The following RBFOX3 variants were observed in gnomAD, a reference collection of about 807,000 sequenced individuals.
RBFOX3 encodes RNA binding fox-1 homolog 3, also known as RNA binding protein fox-1 homolog 3.
In RBFOX3, 17 loss-of-function variants were observed where a neutral mutation model predicts 48.7. That is an observed-to-expected ratio of 0.35 (90% confidence interval 0.24 to 0.52). The LOEUF (loss-of-function observed/expected upper bound fraction) is 0.52, where lower values mean the gene tolerates loss of function less well. RBFOX3 is among the 20% of genes least tolerant of loss of function. The probability of loss-of-function intolerance (pLI) is 0.94; values close to 1 mark genes in which losing one functional copy is unlikely to be tolerated. For synonymous variants in RBFOX3, 212 were observed against 209.5 expected, an observed-to-expected ratio of 1.01 and a Z score of -0.10; for missense variants, 382 against 497.5, an observed-to-expected ratio of 0.77 and a Z score of 2.21.
At chr17:79,114,725 G>A (rs929567918) in intron 5 of RBFOX3, among the ~76,000 whole-genome samples, 5 of 152,200 alleles carry the variant, frequency 3.3e-5, no homozygotes, top group African/African-American at 1.2e-4. Context: ...AGCGGGGACA[G>A]TTGGATGAAC....
chr17:79,406,807 G>C (rs2063593279), intron 2 of RBFOX3, among the ~76,000 whole-genome samples: 1 of 152,170 alleles, frequency 6.6e-6, no homozygotes, highest in Admixed American at 6.5e-5. Context: ...TCCCTACAAT[G>C]CTGGATGCTT....
intron 2 of RBFOX3, among the ~76,000 whole-genome samples, chr17:79,434,696 C>A (rs1555730149): frequency 6.6e-6 from 1 of 152,168 alleles, no homozygotes; most frequent in Non-Finnish European, 1.5e-5. Context: ...CAAGCAGGCC[C>A]AGACAATTGT....
intron 3 of RBFOX3, among the ~76,000 whole-genome samples, chr17:79,240,909 C>T (rs1460204519): frequency 6.6e-6 from 1 of 152,078 alleles, no homozygotes; most frequent in Non-Finnish European, 1.5e-5. Flanking sequence ...CGTGATCCAC[C>T]CACCTCGGCC....
chr17:79,403,791 T>TTC (rs1374008826), intron 2 of RBFOX3, among the ~76,000 whole-genome samples: 1 of 147,736 alleles, frequency 6.8e-6, no homozygotes, highest in African/African-American at 2.5e-5. Context: ...TCTTTTTTTT[T>TTC]TTTTTTTTTT....
At chr17:79,571,349 C>T (rs2092670956) in intron 1 of RBFOX3, among the ~76,000 whole-genome samples, 1 of 152,188 alleles carries the variant, frequency 6.6e-6, no homozygotes, top group South Asian at 2.1e-4. Flanking sequence ...CCTGACCTGG[C>T]CTCTGTCAAG....
intron 2 of RBFOX3, among the ~76,000 whole-genome samples, chr17:79,410,699 A>C (rs945750779): frequency 2.6e-5 from 4 of 152,170 alleles, no homozygotes; most frequent in Non-Finnish European, 5.9e-5. Flanking sequence ...GTGTTGCTTA[A>C]GCCCCTGAGC....
In RBFOX3 at chr17:79,481,968, A is replaced by G. The variant is rs1341349077; in HGVS notation, c.-175+486T>C. 6.6e-6 allele frequency among the ~76,000 whole-genome samples: 1 copy of G among 152,098 alleles called. No individual in the cohort carries two copies. The highest frequency in any genetic ancestry group is 1.5e-5 in the Non-Finnish European group (1 of 68,014). Reference sequence around the variant, plus strand: ...CGCTGACTCCGGCGGTTAGTGTCAGAGCTGAACGGCAGTCACCCTCTCGGG... The same window carrying G: ...CGCTGACTCCGGCGGTTAGTGTCAGGGCTGAACGGCAGTCACCCTCTCGGG... On this transcript the variant is annotated intron_variant, in intron 2 of 14. Coordinates refer to ENST00000693108, the MANE Select transcript of RBFOX3 (RefSeq NM_001350451.2). This position sits in a 1 kb window ranked among gnomAD's most constrained non-coding sequence, Gnocchi z 5.4.
chr17:79,217,378 G>T (rs564276522), intron 4 of RBFOX3, among the ~76,000 whole-genome samples: 64 of 152,326 alleles, frequency 4.2e-4, no homozygotes, highest in African/African-American at 1.5e-3. Flanking sequence ...CTGCTTCAGG[G>T]GATACCCCTG....
intron 2 of RBFOX3, among the ~76,000 whole-genome samples, chr17:79,412,136 C>T (rs531916177): frequency 4.5e-4 from 69 of 151,688 alleles, no homozygotes; most frequent in African/African-American, 1.4e-3. Context: ...TGTATATGCA[C>T]GTGTTGTGCA....
chr17:79,455,893 G>A (rs1160139755), intron 2 of RBFOX3, among the ~76,000 whole-genome samples: 4 of 152,286 alleles, frequency 2.6e-5, no homozygotes, highest in Non-Finnish European at 4.4e-5. Context: ...GCTACGTGGC[G>A]TCTGCCTCTC....
intron 4 of RBFOX3, among the ~76,000 whole-genome samples, chr17:79,215,618 G>A (rs2058939215): frequency 6.6e-6 from 1 of 152,206 alleles, no homozygotes; most frequent in East Asian, 1.9e-4. Flanking sequence ...TGGTGTGCGG[G>A]GACTCACAGA....
intron 1 of RBFOX3, among the ~76,000 whole-genome samples, chr17:79,609,438 G>T (rs2093918435): frequency 6.6e-6 from 1 of 152,186 alleles, no homozygotes; most frequent in African/African-American, 2.4e-5. Flanking sequence ...ACCCAGGGAT[G>T]GATCCCTTGG....
chr17:79,232,870 G>C (rs999254570), intron 4 of RBFOX3, among the ~76,000 whole-genome samples: 1 of 152,186 alleles, frequency 6.6e-6, no homozygotes, highest in African/African-American at 2.4e-5. Context: ...CAACACCAAG[G>C]GTTGCGGAGG....
At chr17:79,411,542 T>C in intron 2 of RBFOX3, among the ~76,000 whole-genome samples, 1 of 152,122 alleles carries the variant, frequency 6.6e-6, no homozygotes, top group Non-Finnish European at 1.5e-5. Context: ...GGGGCTGCCC[T>C]GGCCCCAGGC....
rs2077244176 is a variant in RBFOX3 at position 79,473,072 on chromosome 17, G to A, written c.-175+9382C>T. ...TAAAAATAGAATCACTAGAAAAATG[G>A]AATAAAGAAGGCATACAAAACACAA... On this transcript the variant is annotated intron_variant, in intron 2 of 14. Transcript: ENST00000693108. This position sits in a 1 kb window ranked among gnomAD's most constrained non-coding sequence, Gnocchi z 4.2. 6.6e-6 allele frequency among the ~76,000 whole-genome samples: 1 copy of A among 150,664 alleles called. No homozygotes were observed. Among genetic ancestry groups the A allele is most frequent in the African/African-American group, 2.4e-5 (1 of 41,054 alleles).
intron 4 of RBFOX3, among the ~76,000 whole-genome samples, chr17:79,194,155 T>C (rs2055072692): frequency 6.6e-6 from 1 of 152,234 alleles, no homozygotes; most frequent in South Asian, 2.1e-4. Context: ...CACATGGCGC[T>C]GTCCTCGCTC....
intron 2 of RBFOX3, among the ~76,000 whole-genome samples, chr17:79,310,704 T>G (rs1568019252): frequency 6.6e-6 from 1 of 152,228 alleles, no homozygotes; most frequent in Non-Finnish European, 1.5e-5. Flanking sequence ...AGCACCGCTC[T>G]GTTGCTCACC....
intron 3 of RBFOX3, among the ~76,000 whole-genome samples, chr17:79,279,758 T>G (rs1243561502): frequency 2.0e-5 from 3 of 152,104 alleles, no homozygotes; most frequent in Admixed American, 6.5e-5. Context: ...TTGGGAGCTG[T>G]GGGCTCCGCT....
At chr17:79,377,336 C>G (rs1299164163) in intron 2 of RBFOX3, among the ~76,000 whole-genome samples, 3 of 152,206 alleles carry the variant, frequency 2.0e-5, no homozygotes, top group Non-Finnish European at 4.4e-5. Flanking sequence ...CACAGGCACT[C>G]TTACACACAG....
Sources: allele counts gnomAD v4.1 joint callset (sites outside exome capture counted in the v4.1 genomes callset), GRCh38; gene constraint gnomAD v4.1.1; non-coding constraint Gnocchi (gnomAD v3.1); transcripts MANE v1.5; gene names NCBI Gene and HGNC (gene_info 2026-07-23, HGNC 2026-07-21).